The following TOX variants were observed in gnomAD, a reference collection of about 807,000 sequenced individuals.
The protein encoded by TOX is thymocyte selection-associated high mobility group box protein TOX.
A neutral mutation model predicts 53.7 loss-of-function variants in TOX; 11 were observed. That is an observed-to-expected ratio of 0.20 (90% CI 0.13 to 0.34). The LOEUF (loss-of-function observed/expected upper bound fraction) is 0.34. Ranked by LOEUF, TOX falls within the 10% of genes least tolerant of loss-of-function variation. The pLI, the probability that TOX is intolerant of heterozygous loss-of-function variation, is 1.00. For synonymous variants in TOX, 225 were observed against 245.3 expected (o/e 0.92, Z 0.77); for missense variants, 570 against 664.6 (o/e 0.86, Z 1.56).
At chr8:58,842,633 C>T (rs919780755) in intron 4 of TOX, among the ~76,000 whole-genome samples, 1 of 152,154 alleles carries the variant, frequency 6.6e-6, no homozygotes, top group Non-Finnish European at 1.5e-5. Context: ...TTTAGATCTA[C>T]TGGAAGTGTG....
chr8:58,972,127 T>A (rs1394808254), intron 1 of TOX, among the ~76,000 whole-genome samples: 6 of 152,076 alleles, frequency 3.9e-5, no homozygotes, highest in Non-Finnish European at 1.5e-5. Context: ...TCATTATATG[T>A]ATATATATAT....
chr8:58,959,071 T>C (rs1812756613), intron 2 of TOX, among the ~76,000 whole-genome samples: 1 of 152,220 alleles, frequency 6.6e-6, no homozygotes, highest in East Asian at 1.9e-4. Context: ...TACTAACATA[T>C]GAAATTCCAA....
intron 1 of TOX, among the ~76,000 whole-genome samples, chr8:59,042,203 T>G (rs1803600563): frequency 6.6e-6 from 1 of 152,238 alleles, no homozygotes; most frequent in Admixed American, 6.5e-5. Context: ...CATGGGTGTT[T>G]GCACTGCATG....
intron 3 of TOX, among the ~76,000 whole-genome samples, chr8:58,931,378 T>C (rs185671759): frequency 1.8e-4 from 28 of 152,034 alleles, no homozygotes; most frequent in East Asian, 1.4e-3. Context: ...AATAATGACC[T>C]TTGAGGAAAG....
intron 3 of TOX, among the ~76,000 whole-genome samples, chr8:58,875,347 T>G (rs1811265764): frequency 6.6e-6 from 1 of 152,192 alleles, no homozygotes; most frequent in South Asian, 2.1e-4. Flanking sequence ...CACTCAAAGA[T>G]CTCGAAGTTA....
chr8:58,881,631 C>A (rs529204352), intron 3 of TOX, among the ~76,000 whole-genome samples: 5 of 145,106 alleles, frequency 3.4e-5, no homozygotes, highest in African/African-American at 1.0e-4. Context: ...GGCTGAGGCA[C>A]GAGAATCGCT....
intron 3 of TOX, among the ~76,000 whole-genome samples, chr8:58,922,947 C>T (rs930528412): frequency 1.3e-5 from 2 of 151,612 alleles, no homozygotes; most frequent in African/African-American, 2.4e-5. Flanking sequence ...AGCGTGTTCC[C>T]AATAGAGGGA....
intron 3 of TOX, among the ~76,000 whole-genome samples, chr8:58,890,730 C>G (rs916546093): frequency 1.3e-5 from 2 of 151,998 alleles, no homozygotes; most frequent in African/African-American, 4.8e-5. Context: ...AGCAGAAAAC[C>G]CTGGACGGGA....
chr8:58,840,577 A>G (rs754425659), intron 4 of TOX, among the ~76,000 whole-genome samples: 10 of 152,178 alleles, frequency 6.6e-5, no homozygotes. Context: ...GCAGATGCCT[A>G]TGGGTGGGAG....
intron 3 of TOX, among the ~76,000 whole-genome samples, chr8:58,887,103 C>A (rs1438796518): frequency 6.6e-6 from 1 of 151,764 alleles, no homozygotes; most frequent in Non-Finnish European, 1.5e-5. Context: ...ATATATTTAT[C>A]ATGTAATTTA....
intron 3 of TOX, among the ~76,000 whole-genome samples, chr8:58,911,054 T>C (rs1329586470): frequency 6.6e-6 from 1 of 152,222 alleles, no homozygotes; most frequent in Non-Finnish European, 1.5e-5. Context: ...TCTCTTTTTT[T>C]TTCCTTCGGA....
intron 1 of TOX, among the ~76,000 whole-genome samples, chr8:59,066,237 A>G (rs556673879): frequency 4.5e-4 from 69 of 152,362 alleles, no homozygotes; most frequent in African/African-American, 1.5e-3. Context: ...AGTTTCATAC[A>G]TGTGCTGCTG....
chr8:58,905,696 C>T (rs533561235), intron 3 of TOX, among the ~76,000 whole-genome samples: 31 of 152,320 alleles, frequency 2.0e-4, no homozygotes, highest in Admixed American at 3.9e-4. Context: ...AGTAATTGCA[C>T]AGTCGAGTTC....
At position 58,877,858 on chromosome 8, in the gene TOX, TAA is replaced by T. The variant is rs76496222; in HGVS notation, c.412-26055_412-26054del. Reference sequence around the variant, plus strand: ...GAATATTTGGAGAAAGCCTACATATTAAAAAAAAAAAAAGCCTCAGGAAAACT... The same window carrying T: ...GAATATTTGGAGAAAGCCTACATATTAAAAAAAAAAAGCCTCAGGAAAACT... On this transcript the variant is annotated intron_variant, in intron 3 of 8. Coordinates refer to ENST00000361421, the MANE Select transcript of TOX (RefSeq NM_014729.3). Among the ~76,000 whole-genome samples the T allele has an allele frequency of 2.0e-3, 300 of 147,684 alleles. 1 individual carries two copies. The highest frequency in any genetic ancestry group is 5.7e-3 in the African/African-American group (235 of 40,870).
chr8:58,835,303 C>T (rs1342012348), intron 5 of TOX, among the ~76,000 whole-genome samples: 2 of 152,018 alleles, frequency 1.3e-5, no homozygotes, highest in Non-Finnish European at 2.9e-5. Context: ...AAAATATTTG[C>T]CATCATATAT....
At chr8:58,972,123 T>C (rs978585409) in intron 1 of TOX, among the ~76,000 whole-genome samples, 1 of 152,248 alleles carries the variant, frequency 6.6e-6, no homozygotes, top group Non-Finnish European at 1.5e-5. Context: ...TAGATCATTA[T>C]ATGTATATAT....
chr8:58,913,170 GA>G (rs900117948), intron 3 of TOX, among the ~76,000 whole-genome samples: 1 of 152,148 alleles, frequency 6.6e-6, no homozygotes, highest in African/African-American at 2.4e-5. Flanking sequence ...TAATGAAGTT[GA>G]AATATTTGGT....
chr8:59,024,233 C>T (rs1452190316), intron 1 of TOX, among the ~76,000 whole-genome samples: 1 of 152,104 alleles, frequency 6.6e-6, no homozygotes, highest in Admixed American at 6.5e-5. Context: ...AAGAGATAAA[C>T]TGTCTGGATA....
chr8:59,047,045 G>C (rs919289435), intron 1 of TOX, among the ~76,000 whole-genome samples: 1 of 151,994 alleles, frequency 6.6e-6, no homozygotes, highest in African/African-American at 2.4e-5. Flanking sequence ...GCATAGGCCA[G>C]GCTAGTGGAG....
Sources: allele counts gnomAD v4.1 joint callset (sites outside exome capture counted in the v4.1 genomes callset), GRCh38; gene constraint gnomAD v4.1.1; transcripts MANE v1.5; gene names NCBI Gene and HGNC (gene_info 2026-07-23, HGNC 2026-07-21).